The following EPB41 variants were observed in gnomAD, a reference collection of about 807,000 sequenced individuals.
EPB41 encodes the protein erythrocyte membrane protein band 4.1.
In EPB41, 65 loss-of-function variants were observed where a neutral mutation model predicts 108.0. The observed-to-expected ratio is 0.60, with a 90% CI of 0.49 to 0.74. EPB41 has a LOEUF of 0.74. Among genes scored for constraint, EPB41 ranks in the 30% least tolerant of loss-of-function variants. EPB41 has a pLI of 0.00. For missense variants in EPB41, 875 were observed against 1,037.0 expected (o/e 0.84, Z 2.15); for synonymous variants, 336 against 358.9 (o/e 0.94, Z 0.72).
chr1:29,061,435 AT>A (rs1312276997), intron 15 of EPB41, among the ~76,000 whole-genome samples: 2 of 151,672 alleles, frequency 1.3e-5, no homozygotes, highest in African/African-American at 2.4e-5. Context: ...TGTCTGGCTA[AT>A]TTTTTTGTAT....
chr1:28,892,651 G>C (rs994870057), intron 1 of EPB41, among the ~76,000 whole-genome samples: 1 of 151,778 alleles, frequency 6.6e-6, no homozygotes, highest in Non-Finnish European at 1.5e-5. Context: ...GGAGGCGGAG[G>C]TTGCGCCATT....
upstream of EPB41, among the ~76,000 whole-genome samples, chr1:28,912,307 T>C (rs1323398238): frequency 6.6e-6 from 1 of 152,074 alleles, no homozygotes; most frequent in Admixed American, 6.6e-5. Flanking sequence ...GAAAGTCAAG[T>C]AGGGTAAGTG....
chr1:28,891,073 T>G, intron 1 of EPB41: 1 of 817,478 alleles, frequency 1.2e-6, no homozygotes. Context: ...ACTAGGGGTT[T>G]CCCCAGAGGG....
intron 4 of EPB41, among the ~76,000 whole-genome samples, chr1:29,000,368 G>A (rs960871918): frequency 6.6e-6 from 1 of 152,194 alleles, no homozygotes; most frequent in Admixed American, 6.5e-5. Flanking sequence ...CCAAAGTGCT[G>A]GGATTACAGG....
At position 29,115,926 on chromosome 1, in the gene EPB41, T is replaced by C. The variant is rs1318533824; in HGVS notation, c.*6+123T>C. The C allele has an allele frequency of 4.0e-6, 3 of 754,142 alleles. No homozygotes were observed. The Admixed American group carries it at 6.3e-5, about 16-fold the overall frequency. The allele number at this position is 754,142 out of a possible 1,614,324, so 46.7% of individuals were successfully genotyped here. A position where few individuals can be genotyped will look rare whatever the true frequency, so the allele number is the denominator to read the frequency against. ...AAGAGGTGTTCACCCTGGGACTTGA[T>C]AAAGGCAGACGAGAGGCTGATGTGG... On this transcript the variant is annotated intron_variant, in intron 20 of 20. Transcript: ENST00000343067. This position sits in a 1 kb window ranked among gnomAD's most constrained non-coding sequence, Gnocchi z 4.4.
intron 1 of EPB41, among the ~76,000 whole-genome samples, chr1:28,900,835 C>G (rs2091210302): frequency 1.3e-5 from 2 of 152,204 alleles, no homozygotes; most frequent in Non-Finnish European, 2.9e-5. Context: ...TGGCCCAGAA[C>G]ACTCTACCCC....
chr1:28,968,479 A>C (rs1265289481), intron 1 of EPB41, among the ~76,000 whole-genome samples: 2 of 152,186 alleles, frequency 1.3e-5, no homozygotes, highest in African/African-American at 4.8e-5. Context: ...GATTGTATAG[A>C]GAAAATTCCA....
chr1:29,057,418 C>T (rs899140549), intron 12 of EPB41, among the ~76,000 whole-genome samples: 7 of 149,564 alleles, frequency 4.7e-5, no homozygotes, highest in African/African-American at 1.5e-4. Context: ...AACCCCAAAC[C>T]GTTAATTACC....
intron 7 of EPB41, among the ~76,000 whole-genome samples, chr1:29,021,818 G>A (rs1263846826): frequency 1.3e-5 from 2 of 152,068 alleles, no homozygotes; most frequent in East Asian, 1.9e-4. Context: ...TCCTGACCTC[G>A]TGATCCGCCC....
chr1:28,906,674 C>G (rs2091852025), intron 1 of EPB41, among the ~76,000 whole-genome samples: 1 of 152,162 alleles, frequency 6.6e-6, no homozygotes, highest in African/African-American at 2.4e-5. Flanking sequence ...AAGTGCTTTC[C>G]TGAGAGTGCT....
At chr1:29,083,922 A>G (rs1489575587) in intron 16 of EPB41, among the ~76,000 whole-genome samples, 4 of 152,224 alleles carry the variant, frequency 2.6e-5, no homozygotes, top group Admixed American at 2.6e-4. Flanking sequence ...TGCATGTTGT[A>G]GACCATCTGG....
chr1:28,994,616 A>G (rs1572111528), intron 3 of EPB41, among the ~76,000 whole-genome samples: 1 of 151,468 alleles, frequency 6.6e-6, no homozygotes, highest in East Asian at 1.9e-4. Context: ...TAATTCACAT[A>G]TATGTGGAAC....
At chr1:29,043,360 C>T (rs1253497222) in intron 11 of EPB41, among the ~76,000 whole-genome samples, 2 of 152,122 alleles carry the variant, frequency 1.3e-5, no homozygotes, top group Non-Finnish European at 2.9e-5. Context: ...GTAGCAAGTA[C>T]AAAGTCCTGA....
At chr1:29,069,796 C>T (rs534689081) in intron 16 of EPB41, 1 of 152,358 alleles carries the variant, frequency 6.6e-6, no homozygotes, top group African/African-American at 2.4e-5. Context: ...GCCTCAGCCT[C>T]CTGAGTAGCT....
chr1:29,094,563 C>T, intron 16 of EPB41, among the ~76,000 whole-genome samples: 1 of 152,232 alleles, frequency 6.6e-6, no homozygotes, highest in East Asian at 1.9e-4. Context: ...CAGACATGAA[C>T]CACCATGCCC....
intron 1 of EPB41, among the ~76,000 whole-genome samples, chr1:28,900,688 G>C (rs983990456): frequency 6.6e-6 from 1 of 152,070 alleles, no homozygotes; most frequent in Non-Finnish European, 1.5e-5. Flanking sequence ...AGGCTAAAGA[G>C]GGTTTAAGTG....
intron 17 of EPB41, among the ~76,000 whole-genome samples, chr1:29,104,099 A>G (rs1163592864): frequency 6.6e-6 from 1 of 152,228 alleles, no homozygotes; most frequent in African/African-American, 2.4e-5. Flanking sequence ...CTAAATCGCC[A>G]TGTGCCTCAG....
intron 17 of EPB41, among the ~76,000 whole-genome samples, chr1:29,099,320 C>T (rs939268668): frequency 2.0e-5 from 3 of 149,568 alleles, no homozygotes; most frequent in African/African-American, 2.5e-5. Context: ...TGAGCCACTA[C>T]GCCTGGCCAA....
At chr1:28,985,499 T>G (rs1429456167) in intron 1 of EPB41, among the ~76,000 whole-genome samples, 1 of 152,172 alleles carries the variant, frequency 6.6e-6, no homozygotes, top group African/African-American at 2.4e-5. Flanking sequence ...TCTGGGGGCA[T>G]GAAGGCCAAT....
Sources: allele counts gnomAD v4.1 joint callset (sites outside exome capture counted in the v4.1 genomes callset), GRCh38; gene constraint gnomAD v4.1.1; non-coding constraint Gnocchi (gnomAD v3.1); transcripts MANE v1.5; gene names NCBI Gene and HGNC (gene_info 2026-07-23, HGNC 2026-07-21).